The following PSD3 variants were observed in gnomAD, a reference collection of about 807,000 sequenced individuals.
PSD3 encodes pleckstrin and Sec7 domain containing 3.
In PSD3, 49 loss-of-function variants were observed where a neutral mutation model predicts 105.5. The observed-to-expected ratio is 0.46, with a 90% CI of 0.37 to 0.59. The LOEUF (loss-of-function observed/expected upper bound fraction) is 0.59, where lower values mean the gene tolerates loss of function less well. Among genes scored for constraint, PSD3 ranks in the 20% least tolerant of loss-of-function variants. The pLI, the probability that PSD3 is intolerant of heterozygous loss-of-function variation, is 0.00. For missense variants in PSD3, 1,561 were observed against 1,263.8 expected (o/e 1.24, Z -3.57); for synonymous variants, 557 against 457.8 (o/e 1.22, Z -2.77).
At chr8:18,987,585 A>G (rs1223980522) in intron 1 of PSD3, among the ~76,000 whole-genome samples, 1 of 152,082 alleles carries the variant, frequency 6.6e-6, no homozygotes, top group Non-Finnish European at 1.5e-5. Flanking sequence ...TTGAAAGGAC[A>G]AGGCAGAGGA....
At chr8:19,021,957 T>C (rs558541494) in intron 1 of PSD3, among the ~76,000 whole-genome samples, 1 of 152,290 alleles carries the variant, frequency 6.6e-6, no homozygotes, top group African/African-American at 2.4e-5. Flanking sequence ...AAAAGAGGTT[T>C]AATTGGATCA....
intron 4 of PSD3, among the ~76,000 whole-genome samples, chr8:18,841,724 ACATGAATGAACCATCTT>A (rs1388657052): frequency 6.6e-6 from 1 of 152,210 alleles, no homozygotes; most frequent in Non-Finnish European, 1.5e-5. Context: ...TCTGGCGCTA[ACATGAATGAACCATCTT>A]CAGGAAGTCT....
At chr8:18,845,332 T>A (rs190422782) in intron 4 of PSD3, among the ~76,000 whole-genome samples, 1 of 151,992 alleles carries the variant, frequency 6.6e-6, no homozygotes, top group African/African-American at 2.4e-5. Flanking sequence ...TCTCCTGGAG[T>A]GGATGGGGTC....
intron 1 of PSD3, among the ~76,000 whole-genome samples, chr8:18,942,234 T>C (rs1822592247): frequency 6.6e-6 from 1 of 152,056 alleles, no homozygotes; most frequent in Non-Finnish European, 1.5e-5. Context: ...CAGTGAGTAT[T>C]ATAAAGAAAA....
chr8:18,579,116 A>G (rs1177957210), intron 12 of PSD3, among the ~76,000 whole-genome samples: 1 of 151,758 alleles, frequency 6.6e-6, no homozygotes, highest in Non-Finnish European at 1.5e-5. Context: ...ACACACACAC[A>G]CACACACACA....
At chr8:18,644,395 C>T (rs1341350562) in intron 10 of PSD3, among the ~76,000 whole-genome samples, 2 of 152,180 alleles carry the variant, frequency 1.3e-5, no homozygotes, top group East Asian at 1.9e-4. Flanking sequence ...TAGCTCCTTG[C>T]TCATAAATTC....
intron 2 of PSD3, among the ~76,000 whole-genome samples, chr8:18,879,066 ACACACACACACACACACACACG>A (rs1817927065): frequency 6.6e-6 from 1 of 150,568 alleles, no homozygotes; most frequent in Non-Finnish European, 1.5e-5. Flanking sequence ...ACACACACAC[ACACACACACACACACACACACG>A]CACACACAAC....
At chr8:18,772,269 A>G (rs752094061) in intron 8 of PSD3, among the ~76,000 whole-genome samples, 3 of 152,190 alleles carry the variant, frequency 2.0e-5, no homozygotes, top group Non-Finnish European at 4.4e-5. Context: ...GGTGTATCAC[A>G]TGATAGTTAT....
At chr8:19,040,716 A>G (rs1228002595) in intron 1 of PSD3, among the ~76,000 whole-genome samples, 1 of 152,128 alleles carries the variant, frequency 6.6e-6, no homozygotes, top group Admixed American at 6.5e-5. Flanking sequence ...CTTGGACCAG[A>G]ATATATTGGT....
intron 1 of PSD3, among the ~76,000 whole-genome samples, chr8:19,072,101 T>G (rs1447465422): frequency 1.5e-5 from 1 of 67,818 alleles, no homozygotes; most frequent in African/African-American, 4.7e-5. Context: ...CCTGAATATT[T>G]CTTCTTTTTT....
At chr8:18,537,941 T>C (rs149009323) in intron 15 of PSD3, among the ~76,000 whole-genome samples, 3,756 of 152,280 alleles carry the variant, frequency 0.025, 158 homozygotes, top group African/African-American at 0.087. Flanking sequence ...CCTCCCAAAG[T>C]GCTGGGATTA....
intron 4 of PSD3, among the ~76,000 whole-genome samples, chr8:18,807,989 T>C (rs375929106): frequency 1.6e-4 from 24 of 152,200 alleles, no homozygotes; most frequent in Admixed American, 3.3e-4. Flanking sequence ...CATTCAGTTT[T>C]GTGAAATCTA....
intron 1 of PSD3, among the ~76,000 whole-genome samples, chr8:18,990,857 A>C (rs188610220): frequency 8.8e-4 from 134 of 152,304 alleles, no homozygotes; most frequent in South Asian, 8.3e-4. Flanking sequence ...TTACACTAAC[A>C]GTCATGCAGT....
intron 9 of PSD3, among the ~76,000 whole-genome samples, chr8:18,700,033 T>G (rs1347356871): frequency 6.6e-6 from 1 of 152,216 alleles, no homozygotes; most frequent in Non-Finnish European, 1.5e-5. Flanking sequence ...ATTGGTAATG[T>G]GAGGCTTCCT....
intron 1 of PSD3, among the ~76,000 whole-genome samples, chr8:19,043,626 TG>T (rs1438160200): frequency 1.3e-5 from 2 of 152,314 alleles, no homozygotes; most frequent in Admixed American, 1.3e-4. Flanking sequence ...GGAATGGTAT[TG>T]GGAGATGGGG....
At chr8:18,745,016 G>A (rs1252199292) in intron 9 of PSD3, among the ~76,000 whole-genome samples, 3 of 152,246 alleles carry the variant, frequency 2.0e-5, no homozygotes, top group Non-Finnish European at 2.9e-5. Context: ...TTGGGAAAGA[G>A]AAGTGATGTT....
At chr8:18,916,297 G>GATAGAT (rs1820580742) in intron 2 of PSD3, among the ~76,000 whole-genome samples, 1 of 31,268 alleles carries the variant, frequency 3.2e-5, no homozygotes, top group African/African-American at 1.1e-4. Context: ...TAAAAAAAGT[G>GATAGAT]ATATATATAT....
chr8:18,980,591 T>C (rs1306646919), intron 1 of PSD3, among the ~76,000 whole-genome samples: 2 of 152,106 alleles, frequency 1.3e-5, no homozygotes, highest in African/African-American at 2.4e-5. Context: ...GTGCTATTCA[T>C]CTCATCTATT....
At chr8:18,880,149 G>A (rs1275100313) in intron 2 of PSD3, among the ~76,000 whole-genome samples, 2 of 151,994 alleles carry the variant, frequency 1.3e-5, no homozygotes, top group Non-Finnish European at 2.9e-5. Flanking sequence ...TAGAATTTCT[G>A]ATTTATTCCT....
Sources: allele counts gnomAD v4.1 joint callset (sites outside exome capture counted in the v4.1 genomes callset), GRCh38; gene constraint gnomAD v4.1.1; transcripts MANE v1.5; gene names NCBI Gene and HGNC (gene_info 2026-07-23, HGNC 2026-07-21).